The following DNAH7 variants were observed in gnomAD, a reference collection of about 807,000 sequenced individuals.
DNAH7 encodes axonemal beta dynein heavy chain 7.
DNAH7 carries 397 observed loss-of-function variants against 444.6 expected under a neutral mutation model. The observed-to-expected ratio is 0.89, with a 90% CI of 0.82 to 0.97. The LOEUF is 0.97. Among genes scored for constraint, DNAH7 ranks in the 50% least tolerant of loss-of-function variants. The probability of loss-of-function intolerance (pLI) is 0.00; values close to 1 mark genes in which losing one functional copy is unlikely to be tolerated. For missense variants in DNAH7, 4,902 were observed against 4,800.8 expected, an observed-to-expected ratio of 1.02 and a Z score of -0.62; for synonymous variants, 1,636 against 1,624.4, an observed-to-expected ratio of 1.01 and a Z score of -0.17.
At chr2:195,952,603 T>C (rs1254069041) in intron 19 of DNAH7, among the ~76,000 whole-genome samples, 2 of 152,184 alleles carry the variant, frequency 1.3e-5, no homozygotes, top group South Asian at 2.1e-4. Flanking sequence ...CATAGTCCCA[T>C]ATTTCTTGAA....
At chr2:195,971,776 C>T (rs575975535) in intron 16 of DNAH7, among the ~76,000 whole-genome samples, 1 of 151,884 alleles carries the variant, frequency 6.6e-6, no homozygotes, top group Middle Eastern at 3.2e-3. Flanking sequence ...CCCCCTCCCC[C>T]CCAAGAAAAA....
At position 195,888,285 on chromosome 2, in the gene DNAH7, C is replaced by T. The variant is rs201987961; in HGVS notation, c.5379G>A (p.Ser1793=). The T allele has an allele frequency of 1.0e-3, 1,687 of 1,609,030 alleles. 2 individuals are homozygous for T. The highest frequency in any genetic ancestry group is 1.2e-3 in the Non-Finnish European group (1,441 of 1,178,354). Residue 1793 remains serine (S), a synonymous_variant, in exon 33 of 65, where the codon TCG becomes TCA. Transcript: ENST00000312428. ...TTGTATGCTTTCTAATAAATTCAAC[C>T]GAAACAGGGACCATTCTGTCAAATA... ...MGLFDRMVPV[S]VEFIRKHTKE...
intron 19 of DNAH7, among the ~76,000 whole-genome samples, chr2:195,939,984 G>A (rs573737842): frequency 1.4e-4 from 21 of 152,180 alleles, no homozygotes; most frequent in African/African-American, 3.1e-4. Flanking sequence ...TTCCCCTCAA[G>A]CTACCACTGA....
chr2:195,786,732 G>A (rs1695642706), intron 58 of DNAH7, among the ~76,000 whole-genome samples: 2 of 152,116 alleles, frequency 1.3e-5, no homozygotes, highest in African/African-American at 4.8e-5. Flanking sequence ...TTCAAAATAA[G>A]TATAATATTA....
rs1365340070 is a variant in DNAH7, at chr2:195,998,175, G to C, written c.1353+2529C>G. On this transcript the variant is annotated intron_variant, in intron 12 of 64. Transcript: ENST00000312428. ...TCTTCCTGAGAAGTTTCAATTAACT[G>C]TTCTAATCATAATTAAAATTTGTCA... 3.9e-5 allele frequency among the ~76,000 whole-genome samples: 6 copies of C among 152,200 alleles called. No individual in the cohort carries two copies. In the East Asian group the frequency reaches 1.2e-3, roughly 29 times the overall value.
chr2:195,876,158 A>G, intron 37 of DNAH7, among the ~76,000 whole-genome samples: 1 of 152,196 alleles, frequency 6.6e-6, no homozygotes, highest in Non-Finnish European at 1.5e-5. Flanking sequence ...ATTCATGAAA[A>G]TAGATGAGAA....
At position 195,872,427 on chromosome 2, in the gene DNAH7, G is replaced by A. The variant is rs747178065; in HGVS notation, c.6456C>T (p.Ile2152=). 2.2e-5 allele frequency: 35 copies of A among 1,606,692 alleles called. No homozygotes were observed. In the Middle Eastern group the frequency reaches 8.3e-4, roughly 38 times the overall value. The stretch of plus-strand genomic sequence containing the variant: ...TATACAGAGTCATTGTGCCATTTAC[G>A]ATTTGTGTGGTCAAATCTAGAAATT... ...PDEFLDLTTQ[I]VNGTMTLYKE... is the part of the protein sequence containing the mutation. Residue 2152 remains isoleucine, a synonymous_variant, in exon 40 of 65, where the codon ATC becomes ATT. Transcript: ENST00000312428.
intron 16 of DNAH7, among the ~76,000 whole-genome samples, chr2:195,970,923 T>G (rs1290268249): frequency 1.3e-5 from 2 of 152,210 alleles, no homozygotes; most frequent in African/African-American, 2.4e-5. Flanking sequence ...ACAGTGTGTG[T>G]AGTTTGTGGA....
chr2:195,823,264 C>T (rs1159834580), intron 49 of DNAH7, among the ~76,000 whole-genome samples: 1 of 152,104 alleles, frequency 6.6e-6, no homozygotes, highest in African/African-American at 2.4e-5. Flanking sequence ...TCCATTTTCC[C>T]CTAGTCTTCC....
At chr2:195,779,565 AAACT>A (rs1395441635) in intron 58 of DNAH7, among the ~76,000 whole-genome samples, 6 of 151,420 alleles carry the variant, frequency 4.0e-5, no homozygotes, top group Non-Finnish European at 7.4e-5. Flanking sequence ...TTTTTTTTTT[AAACT>A]AGCCTCCTAT....
rs1698503644 is a variant in DNAH7 at position 195,838,522 on chromosome 2, A to G, written c.8946-4162T>C. 2.6e-5 allele frequency among the ~76,000 whole-genome samples: 4 copies of G among 152,150 alleles called. No homozygotes were observed. In the South Asian group the frequency reaches 8.3e-4, roughly 32 times the overall value. Reference sequence around the variant, plus strand: ...GGAAATTTTAGAACTGAAAAACATAATATCTGAAATTAAAAGTCCCATAGT... The same window carrying G: ...GGAAATTTTAGAACTGAAAAACATAGTATCTGAAATTAAAAGTCCCATAGT... On this transcript the variant is annotated intron_variant, in intron 47 of 64. Transcript: ENST00000312428.
intron 21 of DNAH7, among the ~76,000 whole-genome samples, chr2:195,930,576 G>A (rs1201019464): frequency 6.6e-6 from 1 of 152,164 alleles, no homozygotes; most frequent in East Asian, 1.9e-4. Context: ...CACTATTGGT[G>A]GGATTGTAAG....
At chr2:195,897,504 A>C (rs1395656934) in intron 29 of DNAH7, among the ~76,000 whole-genome samples, 163 bp downstream of exon 29, 6 of 152,162 alleles carry the variant, frequency 3.9e-5, no homozygotes, top group Non-Finnish European at 7.4e-5. Context: ...AAAGTTCTCA[A>C]AGTGACAAAG....
At chr2:196,000,009 G>A (rs961178262) in intron 12 of DNAH7, among the ~76,000 whole-genome samples, 1 of 152,194 alleles carries the variant, frequency 6.6e-6, no homozygotes, top group Non-Finnish European at 1.5e-5. Context: ...CAAAGGGGAA[G>A]AGCTTAAAGG....
At chr2:196,042,417 G>T (rs754390571) in intron 5 of DNAH7, among the ~76,000 whole-genome samples, 1 of 151,902 alleles carries the variant, frequency 6.6e-6, no homozygotes, top group Non-Finnish European at 1.5e-5. Context: ...AGTGTGAAAA[G>T]ATAAGGCACA....
At chr2:195,738,217 GT>G in intron 64 of DNAH7, 90 bp from the exon 65 acceptor site, 2 of 1,159,270 alleles carry the variant, frequency 1.7e-6, no homozygotes, top group Non-Finnish European at 1.2e-6. Context: ...TCAGAGTAAG[GT>G]TATGCATGCA....
chr2:196,024,012 T>C (rs1559345087), intron 8 of DNAH7, among the ~76,000 whole-genome samples: 1 of 152,192 alleles, frequency 6.6e-6, no homozygotes, highest in East Asian at 1.9e-4. Context: ...GTGCAGTTTG[T>C]GGCTTTCCAA....
chr2:195,837,702 C>T (rs1259290560), intron 47 of DNAH7, among the ~76,000 whole-genome samples: 1 of 152,014 alleles, frequency 6.6e-6, no homozygotes, highest in Admixed American at 6.6e-5. Flanking sequence ...CCAAGGTTAA[C>T]CCCACTCACA....
chr2:195,949,866 G>T (rs1262738839), intron 19 of DNAH7, among the ~76,000 whole-genome samples: 1 of 152,130 alleles, frequency 6.6e-6, no homozygotes, highest in Non-Finnish European at 1.5e-5. Flanking sequence ...TAATCATGTG[G>T]TTTTTGTCAT....
Sources: gnomAD v4.1 joint callset for allele counts (sites outside exome capture counted in the v4.1 genomes callset) on GRCh38, gnomAD v4.1.1 for gene constraint, MANE v1.5 for transcripts, NCBI Gene and HGNC (gene_info 2026-07-23, HGNC 2026-07-21) for gene names.